The following DPP10 variants were observed in gnomAD, a reference collection of about 807,000 sequenced individuals.
The protein encoded by DPP10 is inactive dipeptidyl peptidase 10.
Under a neutral mutation model 120.9 loss-of-function variants are expected in DPP10, and 33 were observed. That is an observed-to-expected ratio of 0.27 (90% CI 0.21 to 0.37). DPP10 has a LOEUF of 0.37. Among genes scored for constraint, DPP10 ranks in the 10% least tolerant of loss-of-function variants. The probability of loss-of-function intolerance (pLI) is 1.00; values close to 1 mark genes in which losing one functional copy is unlikely to be tolerated. For synonymous variants in DPP10, 337 were observed against 326.1 expected (o/e 1.03, Z -0.36); for missense variants, 816 against 942.8 (o/e 0.87, Z 1.76).
intron 1 of DPP10, among the ~76,000 whole-genome samples, chr2:114,827,643 A>G (rs1374026652): frequency 1.3e-5 from 2 of 151,968 alleles, no homozygotes; most frequent in Non-Finnish European, 1.5e-5. Flanking sequence ...GTGTGCATGC[A>G]TGTGTGTGTG....
chr2:115,440,383 C>A (rs530190378), intron 3 of DPP10, among the ~76,000 whole-genome samples: 16 of 152,264 alleles, frequency 1.1e-4, no homozygotes, highest in African/African-American at 3.4e-4. Flanking sequence ...ACTGTATTAT[C>A]TTCCTCCCTT....
intron 1 of DPP10, among the ~76,000 whole-genome samples, chr2:114,842,022 A>T (rs534808203): frequency 1.3e-5 from 2 of 152,222 alleles, no homozygotes; most frequent in South Asian, 4.1e-4. Flanking sequence ...TTTACATACC[A>T]GTTCTCTTTT....
intron 1 of DPP10, among the ~76,000 whole-genome samples, chr2:114,957,738 A>G (rs1161835994): frequency 6.6e-6 from 1 of 152,264 alleles, no homozygotes; most frequent in Non-Finnish European, 1.5e-5. Flanking sequence ...TGTAGTGTAC[A>G]TATATCAATT....
chr2:114,716,234 G>A (rs913316002), intron 1 of DPP10, among the ~76,000 whole-genome samples: 11 of 152,192 alleles, frequency 7.2e-5, no homozygotes, highest in Admixed American at 7.2e-4. Flanking sequence ...ATTACAGCTA[G>A]CCTGCTTAAA....
At chr2:115,799,993 C>G (rs1173573375) in intron 19 of DPP10, among the ~76,000 whole-genome samples, 1 of 151,676 alleles carries the variant, frequency 6.6e-6, no homozygotes, top group East Asian at 2.0e-4. Flanking sequence ...AGTTCTAGAT[C>G]CCTGAGGAAT....
intron 1 of DPP10, among the ~76,000 whole-genome samples, chr2:114,783,662 A>G (rs1484669850): frequency 6.6e-6 from 1 of 151,816 alleles, no homozygotes; most frequent in African/African-American, 2.4e-5. Context: ...CATGACGAAA[A>G]CCCATCTCTA....
rs191570387 is a variant in DPP10, at chr2:114,890,118, G to C, written c.61-419121G>C. On this transcript the variant is annotated intron_variant, in intron 1 of 25. Coordinates refer to ENST00000410059, the MANE Select transcript of DPP10 (RefSeq NM_020868.6). Reference sequence around the variant, plus strand: ...AGACAAACATGTTTAATGTTATTTAGCACAGTATGTGCTATGAGAGACACC... The same window carrying C: ...AGACAAACATGTTTAATGTTATTTACCACAGTATGTGCTATGAGAGACACC... Among the ~76,000 whole-genome samples, 66 of 152,310 alleles carry C rather than the reference G, an allele frequency of 4.3e-4. 2 individuals are homozygous for C. Among genetic ancestry groups the C allele is most frequent in the Admixed American group, 3.9e-3 (59 of 15,306 alleles).
intron 1 of DPP10, among the ~76,000 whole-genome samples, chr2:114,943,731 A>C (rs1484546480): frequency 6.6e-6 from 1 of 152,216 alleles, no homozygotes. Flanking sequence ...TCTGATTATA[A>C]TTTAAGTCAC....
intron 3 of DPP10, among the ~76,000 whole-genome samples, chr2:115,448,645 A>G (rs1228326301): frequency 6.6e-6 from 1 of 152,184 alleles, no homozygotes; most frequent in Non-Finnish European, 1.5e-5. Context: ...GGATCCCAAA[A>G]TTTATTAAAA....
chr2:115,455,806 A>C (rs1442848626), intron 3 of DPP10, among the ~76,000 whole-genome samples: 1 of 152,194 alleles, frequency 6.6e-6, no homozygotes, highest in South Asian at 2.1e-4. Context: ...CACCTTATAC[A>C]AAAATTAACT....
At chr2:115,650,294 A>T (rs897214324) in intron 5 of DPP10, among the ~76,000 whole-genome samples, 8 of 151,678 alleles carry the variant, frequency 5.3e-5, no homozygotes, top group Admixed American at 1.3e-4. Flanking sequence ...TAATGTGATT[A>T]TTCCAGGAAC....
intron 1 of DPP10, among the ~76,000 whole-genome samples, chr2:114,819,745 A>G (rs1685936312): frequency 6.6e-6 from 1 of 152,174 alleles, no homozygotes; most frequent in Non-Finnish European, 1.5e-5. Context: ...TTTTGTGAGC[A>G]TCTAACCAAT....
chr2:115,524,587 C>G (rs939301098), intron 4 of DPP10, among the ~76,000 whole-genome samples: 1 of 152,038 alleles, frequency 6.6e-6, no homozygotes, highest in African/African-American at 2.4e-5. Context: ...CAATCACTGG[C>G]CAGTTGCTGA....
intron 5 of DPP10, among the ~76,000 whole-genome samples, chr2:115,528,381 A>G (rs1421402630): frequency 6.6e-6 from 1 of 151,658 alleles, no homozygotes; most frequent in Non-Finnish European, 1.5e-5. Flanking sequence ...ATAAATAAAT[A>G]AATAAAAACC....
intron 1 of DPP10, among the ~76,000 whole-genome samples, chr2:115,087,582 G>A (rs192237139): frequency 1.6e-5 from 2 of 122,370 alleles, no homozygotes; most frequent in African/African-American, 6.0e-5. Context: ...TTGTTGCCCA[G>A]GCTAGAGTTG....
intron 5 of DPP10, among the ~76,000 whole-genome samples, chr2:115,611,899 C>T (rs2084129365): frequency 6.6e-6 from 1 of 152,076 alleles, no homozygotes; most frequent in South Asian, 2.1e-4. Flanking sequence ...TCCAGTGTTA[C>T]TCAAGTTTGA....
chr2:115,091,788 G>C (rs916023227), intron 1 of DPP10, among the ~76,000 whole-genome samples: 7 of 152,180 alleles, frequency 4.6e-5, no homozygotes, highest in African/African-American at 1.4e-4. Flanking sequence ...TCTCCTCTGA[G>C]TGTCCATGTT....
At chr2:114,483,274 G>A (rs10207225) in intron 1 of DPP10, among the ~76,000 whole-genome samples, 3,624 of 151,918 alleles carry the variant, frequency 0.024, 138 homozygotes, top group African/African-American at 0.081. Context: ...CGGGGTGGAA[G>A]ATCAAGGAGA....
At chr2:115,287,407 T>G (rs958928007) in intron 1 of DPP10, among the ~76,000 whole-genome samples, 9 of 152,078 alleles carry the variant, frequency 5.9e-5, no homozygotes, top group African/African-American at 2.2e-4. Flanking sequence ...TAGTGAACAT[T>G]GTATTCAATA....
Sources: allele counts gnomAD v4.1 joint callset (sites outside exome capture counted in the v4.1 genomes callset), GRCh38; gene constraint gnomAD v4.1.1; transcripts MANE v1.5; gene names NCBI Gene and HGNC (gene_info 2026-07-23, HGNC 2026-07-21).